Variants in LCTL observed in about 807,000 individuals in gnomAD.
LCTL encodes the protein lactase like, also known as lactase-like protein.
LCTL carries 76 observed loss-of-function variants against 75.8 expected under a neutral mutation model. The ratio of observed to expected loss-of-function variants is 1.00; its 90% confidence interval spans 0.83 to 1.21. The LOEUF (loss-of-function observed/expected upper bound fraction) is 1.21. Ranked by LOEUF, LCTL falls within the 50% of genes most tolerant of loss-of-function variation. LCTL has a pLI of 0.00. For synonymous variants in LCTL, 271 were observed against 268.8 expected (o/e 1.01, Z -0.08); for missense variants, 670 against 712.4 (o/e 0.94, Z 0.68).
At chr15:66,559,592 C>T (rs988661156) in intron 6 of LCTL, among the ~76,000 whole-genome samples, 1 of 151,818 alleles carries the variant, frequency 6.6e-6, no homozygotes, top group Non-Finnish European at 1.5e-5. Flanking sequence ...CCTGTAATCC[C>T]AGCTACTCAG....
chr15:66,565,490 G>T, exon 1 of LCTL: 1 of 625,354 alleles, frequency 1.6e-6, no homozygotes, highest in South Asian at 2.0e-5. Flanking sequence ...AAAGGAAGGC[G>T]CTTGATCTGC....
exon 9 of LCTL, chr15:66,553,157 C>T (rs1244002937): frequency 6.2e-7 from 1 of 1,611,664 alleles, no homozygotes; most frequent in South Asian, 1.1e-5. Context: ...GTAAAATGAC[C>T]TAATCCCAAG....
intron 8 of LCTL, among the ~76,000 whole-genome samples, chr15:66,555,703 A>T (rs1406479164): frequency 2.6e-5 from 4 of 152,238 alleles, no homozygotes; most frequent in Non-Finnish European, 2.9e-5. Context: ...TGAAATTTTT[A>T]AAAATTTGGG....
chr15:66,556,575 G>A (rs1895743810), intron 8 of LCTL, among the ~76,000 whole-genome samples: 1 of 152,132 alleles, frequency 6.6e-6, no homozygotes, highest in Non-Finnish European at 1.5e-5. Flanking sequence ...AAAGTGCTGG[G>A]ATTACAGGCT....
chr15:66,564,664 C>A lies in LCTL; in HGVS notation c.282+12G>T. 4.3e-6 allele frequency: 7 copies of A among 1,610,336 alleles called. No individual in the cohort carries two copies. Among genetic ancestry groups the A allele is most frequent in the Non-Finnish European group, 5.9e-6 (7 of 1,179,718 alleles). ...GCGCGCGCACACACACACACTCACA[C>A]CCCGCACTCACCTGGACCTTGTAGT... On this transcript the variant is annotated intron_variant, in intron 2 of 12. Transcript: ENST00000341509.
At chr15:66,564,553 G>T in intron 2 of LCTL, 123 bp downstream of exon 3, 1 of 1,175,960 alleles carries the variant, frequency 8.5e-7, no homozygotes, top group Non-Finnish European at 1.2e-6. Flanking sequence ...GTGTTTGGCA[G>T]AGCATGGGGA....
exon 6 of LCTL, chr15:66,561,041 TGCCGCGGAGCTTCAGGCCCGGCGC>T: frequency 6.2e-7 from 1 of 1,614,120 alleles, no homozygotes; most frequent in Non-Finnish European, 8.5e-7. Context: ...TACAGGCCGG[TGCCGCGGAGCTTCAGGCCCGGCGC>T]ATGGTGGCCC....
chr15:66,553,222 C>T lies in LCTL; in HGVS notation c.959G>A (p.Arg320Lys), dbSNP rs1173919702. 2.5e-6 allele frequency: 4 copies of T among 1,600,244 alleles called. No homozygotes were observed. The South Asian group carries it at 3.4e-5, about 14-fold the overall frequency. The stretch of plus-strand genomic sequence containing the variant: ...CTCCTGGAGTGAGAACACCGGTAAC[C>T]TCGACATCTCCAGGCCTTGCTCTGC... Residue 320 changes from arginine (R) to lysine (K), a missense_variant, in exon 9 of 13, where the codon AGG (arginine) becomes AAG (lysine). Coordinates refer to ENST00000341509, the Ensembl canonical transcript of LCTL.
Position 66,553,084 on chromosome 15 carries a change from C to T in LCTL, c.1097G>A (p.Arg366His), listed in dbSNP as rs185459665. ...TGGGTCAACCAGCTCTATCAAGTCA[C>T]GATCGTTCTGGTAGCTGGGCCCCTG... is the stretch of plus-strand genomic sequence containing the variant. The change falls in exon 9 of 13, where the codon CGT becomes CAT. Residue 366 changes from arginine to histidine, a missense_variant. By Grantham distance (29) the Arg-to-His change is conservative. Coordinates refer to ENST00000341509, the Ensembl canonical transcript of LCTL. 1,805 of 1,609,178 alleles carry T rather than the reference C, an allele frequency of 1.1e-3. 13 individuals are homozygous for T. Among genetic ancestry groups the T allele is most frequent in the Admixed American group, 8.6e-3 (508 of 59,274 alleles).
intron 1 of LCTL, 53 bp from the exon 3 acceptor site, chr15:66,564,892 G>C: frequency 1.3e-6 from 2 of 1,560,170 alleles, no homozygotes; most frequent in Non-Finnish European, 1.7e-6. Flanking sequence ...GTCACCCAGA[G>C]CCAGGACTCT....
At chr15:66,548,408 A>G (rs1013464403) in exon 13 of LCTL, 2 of 610,812 alleles carry the variant, frequency 3.3e-6, no homozygotes, top group Non-Finnish European at 5.7e-6. Flanking sequence ...TGAAAACAGC[A>G]ATGTATGGAA....
At chr15:66,562,961 G>C (rs982219753) in intron 4 of LCTL, among the ~76,000 whole-genome samples, 1 of 152,170 alleles carries the variant, frequency 6.6e-6, no homozygotes, top group Non-Finnish European at 1.5e-5. Context: ...AAAACAAAAG[G>C]ATTCACTCTT....
chr15:66,553,498 A>G (rs180706556), intron 8 of LCTL, among the ~76,000 whole-genome samples: 27 of 151,660 alleles, frequency 1.8e-4, no homozygotes, highest in Admixed American at 3.9e-4. Context: ...GCTCACGCCT[A>G]TAATCCCAGC....
chr15:66,560,982 C>T (rs367717853), intron 6 of LCTL, 24 bp downstream of exon 7: 1 of 1,611,248 alleles, frequency 6.2e-7, no homozygotes. Flanking sequence ...GAGGCTGTTC[C>T]TCCACCAGAA....
intron 8 of LCTL, among the ~76,000 whole-genome samples, chr15:66,557,125 C>G (rs1222477147): frequency 6.6e-6 from 1 of 152,054 alleles, no homozygotes; most frequent in Non-Finnish European, 1.5e-5. Flanking sequence ...ATGGAATGAG[C>G]CTGGGTCCTC....
intron 6 of LCTL, among the ~76,000 whole-genome samples, chr15:66,560,115 C>A (rs542674375): frequency 6.6e-6 from 1 of 152,144 alleles, no homozygotes; most frequent in East Asian, 1.9e-4. Flanking sequence ...GAGCTCTGCC[C>A]TTTAAATATT....
At chr15:66,561,226 C>T (rs1475983844) in exon 5 of LCTL, 1 of 1,614,228 alleles carries the variant, frequency 6.2e-7, no homozygotes. Flanking sequence ...TCACACGGTC[C>T]CCAAAGGCCT....
At chr15:66,552,817 T>C (rs1461109431) in intron 9 of LCTL, among the ~76,000 whole-genome samples, 167 bp downstream of exon 10, 1 of 152,252 alleles carries the variant, frequency 6.6e-6, no homozygotes, top group Non-Finnish European at 1.5e-5. Context: ...CAAATGGTTA[T>C]GCATGGTAGA....
intron 6 of LCTL, among the ~76,000 whole-genome samples, chr15:66,559,003 T>C (rs1450030132): frequency 6.6e-6 from 1 of 152,012 alleles, no homozygotes; most frequent in Admixed American, 6.6e-5. Context: ...GCCAGCAATC[T>C]GTGCTTTAAT....
Sources: gnomAD v4.1 joint callset for allele counts (sites outside exome capture counted in the v4.1 genomes callset) on GRCh38, gnomAD v4.1.1 for gene constraint, MANE v1.5 for transcripts, NCBI Gene and HGNC (gene_info 2026-07-23, HGNC 2026-07-21) for gene names.